The following CNTNAP2 variants were observed in gnomAD, a reference collection of about 807,000 sequenced individuals.
CNTNAP2 encodes contactin-associated protein-like 2.
A neutral mutation model predicts 155.2 loss-of-function variants in CNTNAP2; 98 were observed. The ratio of observed to expected loss-of-function variants is 0.63; its 90% confidence interval spans 0.54 to 0.75. CNTNAP2 has a LOEUF of 0.75. Among genes scored for constraint, CNTNAP2 ranks in the 30% least tolerant of loss-of-function variants. CNTNAP2 has a pLI of 0.00. For synonymous variants in CNTNAP2, 651 were observed against 631.2 expected, an observed-to-expected ratio of 1.03 and a Z score of -0.47; for missense variants, 1,727 against 1,688.1, an observed-to-expected ratio of 1.02 and a Z score of -0.40.
chr7:146,186,792 A>G (rs1460865370), intron 1 of CNTNAP2, among the ~76,000 whole-genome samples: 3 of 152,094 alleles, frequency 2.0e-5, no homozygotes, highest in African/African-American at 4.8e-5. Context: ...AGTTTATGGC[A>G]TCCTTTATTT....
At chr7:146,765,120 G>T (rs954294886) in intron 1 of CNTNAP2, among the ~76,000 whole-genome samples, 1 of 152,040 alleles carries the variant, frequency 6.6e-6, no homozygotes. Flanking sequence ...ACTAAAAGTA[G>T]ATGTAAAAGA....
chr7:147,822,764 G>A (rs758516994), intron 13 of CNTNAP2, among the ~76,000 whole-genome samples: 7 of 152,256 alleles, frequency 4.6e-5, no homozygotes, highest in South Asian at 4.1e-4. Context: ...TTATCATTGC[G>A]ATGTATATGA....
chr7:146,504,894 C>T (rs1398453402), intron 1 of CNTNAP2, among the ~76,000 whole-genome samples: 1 of 152,180 alleles, frequency 6.6e-6, no homozygotes, highest in East Asian at 1.9e-4. Flanking sequence ...TATTCCATCA[C>T]ACCTTTGGTG....
At chr7:147,713,655 C>G (rs577341668) in intron 13 of CNTNAP2, among the ~76,000 whole-genome samples, 102 of 152,130 alleles carry the variant, frequency 6.7e-4, no homozygotes, top group African/African-American at 2.4e-3. Flanking sequence ...GGAAAAATGC[C>G]TGGGAGTGGG....
intron 8 of CNTNAP2, among the ~76,000 whole-genome samples, chr7:147,247,507 C>T (rs961640870): frequency 6.6e-6 from 1 of 152,046 alleles, no homozygotes; most frequent in Admixed American, 6.6e-5. Context: ...ATGGATTTTC[C>T]TTCATTCAAT....
chr7:147,490,171 G>T (rs1360784681), intron 11 of CNTNAP2, among the ~76,000 whole-genome samples: 1 of 151,996 alleles, frequency 6.6e-6, no homozygotes, highest in African/African-American at 2.4e-5. Flanking sequence ...ATATATAGAC[G>T]TAATGTTTCC....
intron 15 of CNTNAP2, among the ~76,000 whole-genome samples, chr7:147,983,213 C>A (rs1282584643): frequency 6.6e-6 from 1 of 152,070 alleles, no homozygotes; most frequent in African/African-American, 2.4e-5. Flanking sequence ...GAAACCACTT[C>A]TCATCTGGGT....
chr7:146,727,295 G>A (rs1324218646), intron 1 of CNTNAP2, among the ~76,000 whole-genome samples: 1 of 152,156 alleles, frequency 6.6e-6, no homozygotes, highest in Non-Finnish European at 1.5e-5. Context: ...GGAAACAACT[G>A]ACTCACAGAA....
chr7:148,291,146 G>T (rs1033209700), intron 21 of CNTNAP2, among the ~76,000 whole-genome samples: 1 of 152,004 alleles, frequency 6.6e-6, no homozygotes, highest in African/African-American at 2.4e-5. Context: ...TCTACGATGT[G>T]CAAGAATCTA....
chr7:147,531,035 A>G (rs1263513626), intron 11 of CNTNAP2, among the ~76,000 whole-genome samples: 1 of 152,218 alleles, frequency 6.6e-6, no homozygotes, highest in Non-Finnish European at 1.5e-5. Flanking sequence ...AAGCTCCAAA[A>G]TGATCTCCTT....
chr7:147,407,030 C>A (rs548207776), intron 10 of CNTNAP2, among the ~76,000 whole-genome samples: 3 of 152,304 alleles, frequency 2.0e-5, no homozygotes, highest in African/African-American at 7.2e-5. Flanking sequence ...CAACAAGAAA[C>A]TTATCTTCAT....
intron 11 of CNTNAP2, among the ~76,000 whole-genome samples, chr7:147,488,298 T>C (rs1410926393): frequency 2.0e-5 from 3 of 152,208 alleles, no homozygotes; most frequent in Non-Finnish European, 2.9e-5. Context: ...GTTTCTGATG[T>C]GTCTGACGCT....
intron 15 of CNTNAP2, among the ~76,000 whole-genome samples, chr7:148,070,848 C>A (rs192473188): frequency 2.6e-5 from 4 of 152,246 alleles, no homozygotes; most frequent in African/African-American, 9.6e-5. Context: ...GAAAACATTT[C>A]TTATTTCTGA....
chr7:146,378,481 T>C (rs1195643434), intron 1 of CNTNAP2, among the ~76,000 whole-genome samples: 1 of 152,220 alleles, frequency 6.6e-6, no homozygotes, highest in Non-Finnish European at 1.5e-5. Flanking sequence ...AAGTACTTTA[T>C]GTGCATTACC....
At chr7:148,024,196 G>T (rs1802337057) in intron 15 of CNTNAP2, among the ~76,000 whole-genome samples, 1 of 140,092 alleles carries the variant, frequency 7.1e-6, no homozygotes, top group Non-Finnish European at 1.5e-5. Context: ...AACATCCTGA[G>T]AATTAATCCT....
chr7:148,140,668 C>T (rs369388030), intron 16 of CNTNAP2, among the ~76,000 whole-genome samples: 42 of 152,052 alleles, frequency 2.8e-4, no homozygotes, highest in African/African-American at 8.2e-4. Flanking sequence ...GTGATCCACC[C>T]GCCTCAGCAT....
At chr7:148,177,360 A>C (rs1794955747) in intron 18 of CNTNAP2, among the ~76,000 whole-genome samples, 1 of 152,216 alleles carries the variant, frequency 6.6e-6, no homozygotes, top group Non-Finnish European at 1.5e-5. Flanking sequence ...ACGGAGGCAG[A>C]GATCGGAGTT....
chr7:146,161,510 A>C (rs1197718086), intron 1 of CNTNAP2, among the ~76,000 whole-genome samples: 1 of 152,226 alleles, frequency 6.6e-6, no homozygotes, highest in East Asian at 1.9e-4. Context: ...ACGAAATAAA[A>C]GAGGACACAA....
intron 11 of CNTNAP2, among the ~76,000 whole-genome samples, chr7:147,548,759 A>T (rs1799792150): frequency 6.6e-6 from 1 of 152,178 alleles, no homozygotes; most frequent in African/African-American, 2.4e-5. Flanking sequence ...TTAAGTCTTT[A>T]GTCCATCTTG....
Sources: gnomAD v4.1 joint callset for allele counts (sites outside exome capture counted in the v4.1 genomes callset) on GRCh38, gnomAD v4.1.1 for gene constraint, MANE v1.5 for transcripts, NCBI Gene and HGNC (gene_info 2026-07-23, HGNC 2026-07-21) for gene names.